The following SPOCK1 variants were observed in gnomAD, a reference collection of about 807,000 sequenced individuals.
SPOCK1 encodes testican-1.
A neutral mutation model predicts 55.3 loss-of-function variants in SPOCK1; 23 were observed. The ratio of observed to expected loss-of-function variants is 0.42; its 90% CI spans 0.30 to 0.59. The LOEUF (loss-of-function observed/expected upper bound fraction) is 0.59, where lower values mean the gene tolerates loss of function less well. Ranked by LOEUF, SPOCK1 falls within the 20% of genes least tolerant of loss-of-function variation. SPOCK1 has a pLI of 0.22. For synonymous variants in SPOCK1, 226 were observed against 221.0 expected, an observed-to-expected ratio of 1.02 and a Z score of -0.20; for missense variants, 499 against 552.5, an observed-to-expected ratio of 0.90 and a Z score of 0.97.
intron 2 of SPOCK1, among the ~76,000 whole-genome samples, chr5:137,424,914 C>T (rs983575780): frequency 1.3e-5 from 2 of 152,204 alleles, no homozygotes; most frequent in Non-Finnish European, 2.9e-5. Context: ...TGCGTGAATA[C>T]ATTTGTTAAA....
chr5:137,337,189 C>CA (rs1306977571), intron 2 of SPOCK1, among the ~76,000 whole-genome samples: 2 of 152,034 alleles, frequency 1.3e-5, no homozygotes, highest in African/African-American at 4.8e-5. Flanking sequence ...AAGGCAGAAG[C>CA]AAAAAAGTAC....
At chr5:137,213,297 G>A (rs987465656) in intron 3 of SPOCK1, among the ~76,000 whole-genome samples, 2 of 152,076 alleles carry the variant, frequency 1.3e-5, no homozygotes, top group African/African-American at 2.4e-5. Flanking sequence ...CAACTAACCC[G>A]AGGTCACATA....
intron 5 of SPOCK1, among the ~76,000 whole-genome samples, chr5:137,082,120 C>T (rs1049453572): frequency 3.9e-5 from 6 of 152,202 alleles, no homozygotes; most frequent in Admixed American, 1.3e-4. Context: ...TGGCCAGAAA[C>T]GCCCAAGTCA....
chr5:137,477,303 T>G (rs1278211384), intron 2 of SPOCK1, among the ~76,000 whole-genome samples: 1 of 152,054 alleles, frequency 6.6e-6, no homozygotes. Context: ...GGATTACAGG[T>G]TTTTTTTCTT....
At chr5:137,073,674 C>CT (rs201676207) in intron 5 of SPOCK1, among the ~76,000 whole-genome samples, 9,177 of 146,764 alleles carry the variant, frequency 0.063, 313 homozygotes, top group African/African-American at 0.08. Flanking sequence ...GAGGAAAATG[C>CT]TTTTTTTTTT....
intron 2 of SPOCK1, among the ~76,000 whole-genome samples, chr5:137,301,798 G>T (rs1757596546): frequency 6.6e-6 from 1 of 151,896 alleles, no homozygotes; most frequent in South Asian, 2.1e-4. Context: ...ACAGAATAAT[G>T]AAAAGCAAGC....
intron 3 of SPOCK1, among the ~76,000 whole-genome samples, chr5:137,149,597 AC>A (rs1754272534): frequency 6.6e-6 from 1 of 152,214 alleles, no homozygotes; most frequent in South Asian, 2.1e-4. Flanking sequence ...TATCTTTTGT[AC>A]CTGTGCTTCA....
At chr5:137,290,123 C>T (rs1330153471) in intron 2 of SPOCK1, among the ~76,000 whole-genome samples, 2 of 152,080 alleles carry the variant, frequency 1.3e-5, no homozygotes, top group Non-Finnish European at 2.9e-5. Flanking sequence ...GAAATGAGTA[C>T]AGGAATACAA....
chr5:137,427,362 C>T (rs1752653414), intron 2 of SPOCK1, among the ~76,000 whole-genome samples: 1 of 152,178 alleles, frequency 6.6e-6, no homozygotes. Flanking sequence ...GCTCATGTAT[C>T]TCACCAATGT....
At chr5:137,286,482 A>G (rs1373644297) in intron 2 of SPOCK1, among the ~76,000 whole-genome samples, 1 of 152,176 alleles carries the variant, frequency 6.6e-6, no homozygotes, top group African/African-American at 2.4e-5. Context: ...CACTGCACAC[A>G]GTAACCAAGC....
intron 3 of SPOCK1, among the ~76,000 whole-genome samples, chr5:137,195,830 TG>T (rs1755289289): frequency 6.6e-6 from 1 of 152,204 alleles, no homozygotes; most frequent in Non-Finnish European, 1.5e-5. Flanking sequence ...TGGAATAGGC[TG>T]GGCCAAGCCA....
At chr5:137,111,470 G>A (rs1302033449) in intron 5 of SPOCK1, among the ~76,000 whole-genome samples, 3 of 152,138 alleles carry the variant, frequency 2.0e-5, no homozygotes, top group Non-Finnish European at 4.4e-5. Flanking sequence ...CCTGACACAC[G>A]CACCCATACA....
At chr5:137,242,278 C>G (rs892879206) in intron 3 of SPOCK1, among the ~76,000 whole-genome samples, 1 of 152,046 alleles carries the variant, frequency 6.6e-6, no homozygotes, top group East Asian at 1.9e-4. Flanking sequence ...GGGAGGGACC[C>G]GGTCGGAGGT....
At chr5:137,439,038 C>G (rs1282958926) in intron 2 of SPOCK1, among the ~76,000 whole-genome samples, 2 of 152,150 alleles carry the variant, frequency 1.3e-5, no homozygotes, top group African/African-American at 4.8e-5. Context: ...TGGCCACAAG[C>G]AAATTATACC....
At chr5:137,234,031 C>T (rs1307801525) in intron 3 of SPOCK1, among the ~76,000 whole-genome samples, 1 of 152,108 alleles carries the variant, frequency 6.6e-6, no homozygotes, top group Non-Finnish European at 1.5e-5. Flanking sequence ...CTGGAAAGGA[C>T]AGTCTGAGGT....
chr5:137,098,707 A>G (rs1041362616), intron 5 of SPOCK1, among the ~76,000 whole-genome samples: 1 of 152,222 alleles, frequency 6.6e-6, no homozygotes, highest in Non-Finnish European at 1.5e-5. Flanking sequence ...TGTCAAGAAC[A>G]CATTGCTCTT....
At chr5:137,206,130 G>A (rs1405779770) in intron 3 of SPOCK1, among the ~76,000 whole-genome samples, 7 of 152,214 alleles carry the variant, frequency 4.6e-5, no homozygotes, top group Non-Finnish European at 8.8e-5. Context: ...AGAACCATTA[G>A]CTGTGCTCAA....
At chr5:137,058,927 A>C (rs1392565041) in intron 6 of SPOCK1, among the ~76,000 whole-genome samples, 1 of 152,210 alleles carries the variant, frequency 6.6e-6, no homozygotes, top group Non-Finnish European at 1.5e-5. Flanking sequence ...ACAGACACGT[A>C]ACAGAGGACC....
chr5:137,252,225 CTAATTCACTTTCT>C (rs1756546710), intron 3 of SPOCK1, among the ~76,000 whole-genome samples: 1 of 152,174 alleles, frequency 6.6e-6, no homozygotes, highest in Non-Finnish European at 1.5e-5. Context: ...TGTGCCCAGC[CTAATTCACTTTCT>C]TAATTACAAT....
Sources: allele counts gnomAD v4.1 joint callset (sites outside exome capture counted in the v4.1 genomes callset), GRCh38; gene constraint gnomAD v4.1.1; transcripts MANE v1.5; gene names NCBI Gene and HGNC (gene_info 2026-07-23, HGNC 2026-07-21).